HECTD4: variants seen among roughly 807,000 people sequenced by gnomAD.
The protein encoded by HECTD4 is probable E3 ubiquitin-protein ligase HECTD4.
Under a neutral mutation model 471.5 loss-of-function variants are expected in HECTD4, and 114 were observed. The observed-to-expected ratio is 0.24, with a 90% CI of 0.21 to 0.28. The LOEUF is 0.28. HECTD4 is among the 10% of genes least tolerant of loss of function. The pLI is 1.00. For synonymous variants in HECTD4, 2,012 were observed against 2,256.0 expected (o/e 0.89, Z 3.07); for missense variants, 3,866 against 5,651.5 (o/e 0.68, Z 10.13).
chr12:112,260,465 A>G (rs953716311), intron 18 of HECTD4, among the ~76,000 whole-genome samples: 7 of 152,212 alleles, frequency 4.6e-5, no homozygotes, highest in Non-Finnish European at 1.0e-4. Flanking sequence ...AGGAACAGAC[A>G]GGGTTACGGA....
chr12:112,264,777 T>C (rs955101371), intron 16 of HECTD4, among the ~76,000 whole-genome samples: 7 of 152,184 alleles, frequency 4.6e-5, no homozygotes, highest in African/African-American at 1.4e-4. Context: ...ATTATTATTA[T>C]TATTTGAGAC....
At position 112,178,949 on chromosome 12, in the gene HECTD4, G is replaced by A. The variant is rs1438827511; in HGVS notation, c.11345C>T (p.Ala3782Val). 6.2e-7 allele frequency: 1 copy of A among 1,612,582 alleles called. No individual in the cohort carries two copies. The highest frequency in any genetic ancestry group is 8.5e-7 in the Non-Finnish European group (1 of 1,179,648). Residue 3782 changes from alanine (A) to valine (V), a missense_variant, in exon 64 of 76, where the codon GCT becomes GTT. Ala to Val is a moderately conservative substitution (Grantham distance 64, BLOSUM62 0). Around this residue, in one of 16 missense-constraint regions of HECTD4, gnomAD observed 715 missense variants for 1,087.6 expected, o/e 0.66. Coordinates refer to ENST00000682272, the MANE Select transcript of HECTD4 (RefSeq NM_001388303.1). ...PITKPPAKDK[A>V]VLNSVSRTAL... Reference sequence around the variant, plus strand: ...CACGCACCTGACGCTGTTGAGCACAGCCTTGTCCTTGGCGGGCGGCTTGGT... The same window carrying A: ...CACGCACCTGACGCTGTTGAGCACAACCTTGTCCTTGGCGGGCGGCTTGGT...
intron 10 of HECTD4, 112 bp from the exon 11 acceptor site, chr12:112,273,907 A>C: frequency 8.4e-7 from 1 of 1,185,158 alleles, no homozygotes; most frequent in Non-Finnish European, 1.2e-6. Context: ...TAATGTTGAC[A>C]ACCCACAACC....
intron 55 of HECTD4, 60 bp downstream of exon 55, chr12:112,200,578 T>C: frequency 1.9e-6 from 3 of 1,542,434 alleles, no homozygotes; most frequent in Non-Finnish European, 2.7e-6. Flanking sequence ...ACATGGTACA[T>C]GTGGTAGAGC....
intron 60 of HECTD4, 25 bp from the exon 61 acceptor site, chr12:112,185,518 G>C: frequency 6.8e-7 from 1 of 1,477,744 alleles, no homozygotes; most frequent in Non-Finnish European, 9.2e-7. Flanking sequence ...AATAGTAACA[G>C]TAATTACTAT....
At position 112,169,547 on chromosome 12, in the gene HECTD4, T is replaced by C; in HGVS notation, c.12164A>G (p.Tyr4055Cys). Residue 4055 changes from tyrosine to cysteine, a missense_variant, in exon 70 of 76, where the codon TAT (tyrosine) becomes TGT (cysteine). Coordinates refer to ENST00000682272, the MANE Select transcript of HECTD4 (RefSeq NM_001388303.1). Reference protein sequence around the residue: ...VKLASGGDPTYAFNIRFTGEE... With the variant: ...VKLASGGDPTCAFNIRFTGEE... The stretch of plus-strand genomic sequence containing the variant: ...GCCAGTGAAGCGGATGTTGAAGGCA[T>C]ATGTGGGGTCACCGCCACTGGCCAG... 6.2e-7 allele frequency: 1 copy of C among 1,613,440 alleles called. No homozygotes were observed. The highest frequency in any genetic ancestry group is 8.5e-7 in the Non-Finnish European group (1 of 1,179,846).
chr12:112,213,721 A>T lies in HECTD4; in HGVS notation c.7466-1071T>A, dbSNP rs572507704. ...ATACATATATATATATATATATATA[A>T]TATATATATAAAATTTAAGGCCAGA... On this transcript the variant is annotated intron_variant, in intron 48 of 75. Transcript: ENST00000682272. This position sits in a 1 kb window ranked among gnomAD's most constrained non-coding sequence, Gnocchi z 4.0. Among the ~76,000 whole-genome samples the T allele has an allele frequency of 4.6e-4, 63 of 136,898 alleles. 1 individual carries two copies. The highest frequency in any genetic ancestry group is 2.7e-3 in the South Asian group (12 of 4,408). The allele number at this position is 136,898 out of a possible 152,430, so 89.8% of individuals were successfully genotyped here.
intron 59 of HECTD4, among the ~76,000 whole-genome samples, 166 bp downstream of exon 59, chr12:112,192,394 T>C (rs1255149666): frequency 6.6e-6 from 1 of 152,264 alleles, no homozygotes; most frequent in Non-Finnish European, 1.5e-5. Flanking sequence ...TTTAATTTAC[T>C]GCCTCTAAAA....
intron 1 of HECTD4, among the ~76,000 whole-genome samples, chr12:112,339,597 T>C (rs753458950): frequency 2.0e-5 from 3 of 152,064 alleles, no homozygotes; most frequent in African/African-American, 7.2e-5. Context: ...TGTGTGTGTG[T>C]GTATGTTTGT....
At chr12:112,365,773 T>A (rs1212249196) in intron 1 of HECTD4, among the ~76,000 whole-genome samples, 1 of 3,520 alleles carries the variant, frequency 2.8e-4, no homozygotes, top group Non-Finnish European at 1.4e-3. Context: ...TTTTTTTTTG[T>A]TTTTTTTTTT....
At chr12:112,362,354 A>G (rs2036464901) in intron 1 of HECTD4, among the ~76,000 whole-genome samples, 1 of 152,126 alleles carries the variant, frequency 6.6e-6, no homozygotes, top group Non-Finnish European at 1.5e-5. Flanking sequence ...TAATATTCTC[A>G]AAAATACCAC....
chr12:112,336,848 C>T (rs996635213), intron 1 of HECTD4, among the ~76,000 whole-genome samples: 2 of 152,074 alleles, frequency 1.3e-5, no homozygotes, highest in African/African-American at 2.4e-5. Flanking sequence ...CCTACTCTTA[C>T]GTATTTTTAC....
At position 112,178,917 on chromosome 12, in the gene HECTD4, C is replaced by T; in HGVS notation, c.11363+14G>A. On this transcript the variant is annotated intron_variant, in intron 64 of 75. Transcript: ENST00000682272. Reference sequence around the variant, plus strand: ...CCCACAGGCTGGGCTGCCCAGGCTCCTTGGGGCACGCACCTGACGCTGTTG... The same window carrying T: ...CCCACAGGCTGGGCTGCCCAGGCTCTTTGGGGCACGCACCTGACGCTGTTG... 6.3e-7 allele frequency: 1 copy of T among 1,599,604 alleles called. No homozygotes were observed. Among genetic ancestry groups the T allele is most frequent in the Middle Eastern group, 1.9e-4 (1 of 5,170 alleles).
rs527666698 is a variant in HECTD4 at position 112,230,983 on chromosome 12, G to T, written c.6201-161C>A. On this transcript the variant is annotated intron_variant, in intron 39 of 75. Coordinates refer to ENST00000682272, the MANE Select transcript of HECTD4 (RefSeq NM_001388303.1). ...CAAGAAGCTACATTATCATTAGGAAGAAATCACTGTGTCATATTCTTTGTG... is the reference window on the plus strand; with the variant it reads ...CAAGAAGCTACATTATCATTAGGAATAAATCACTGTGTCATATTCTTTGTG... The T allele has an allele frequency of 1.1e-5, 7 of 635,248 alleles. No homozygotes were observed. In the Admixed American group the frequency reaches 2.2e-4, roughly 20 times the overall value. The allele number at this position is 635,248 out of a possible 1,614,324, so 39.4% of individuals were successfully genotyped here. A position where few individuals can be genotyped will look rare whatever the true frequency, so the allele number is the denominator to read the frequency against.
At chr12:112,209,931 C>T in intron 50 of HECTD4, 84 bp downstream of exon 50, 1 of 1,144,776 alleles carries the variant, frequency 8.7e-7, no homozygotes. Context: ...AATGAGGATG[C>T]TCAAGTGCAA....
chr12:112,273,699 A>G lies in HECTD4; in HGVS notation c.1898T>C (p.Val633Ala). Reference sequence around the variant, plus strand: ...GTGACTGACTCCAAGTCTCTGGCAGACATAATGGAAGGCTTGATTCCCAGG... The same window carrying G: ...GTGACTGACTCCAAGTCTCTGGCAGGCATAATGGAAGGCTTGATTCCCAGG... ...CNPGNQAFHY[V>A]CQRLGVSHII... The change falls in exon 11 of 76, where the codon GTC (valine) becomes GCC (alanine). Residue 633 changes from valine (V) to alanine (A), a missense_variant. Physicochemically the swap from Val to Ala is moderately conservative, Grantham distance 64. This residue lies in a region of HECTD4 where 525 missense variants were observed against 672.6 expected (regional missense o/e 0.78). Transcript: ENST00000682272. 7 of 1,614,024 alleles carry G rather than the reference A, an allele frequency of 4.3e-6. No individual in the cohort carries two copies. The highest frequency in any genetic ancestry group is 5.9e-6 in the Non-Finnish European group (7 of 1,179,876).
Position 112,162,883 on chromosome 12 carries a change from C to T in HECTD4, c.13120+159G>A. The T allele has an allele frequency of 3.2e-6, 2 of 628,912 alleles. No homozygotes were observed. 39.0% of individuals were successfully genotyped at this position (628,912 alleles called of 1,614,324 possible). Reference sequence around the variant, plus strand: ...AGTATCTAACAGCAGGCCTGTATGGCTGGTTCCTGCCGGGCCCTAATCCTC... The same window carrying T: ...AGTATCTAACAGCAGGCCTGTATGGTTGGTTCCTGCCGGGCCCTAATCCTC... On this transcript the variant is annotated intron_variant, in intron 75 of 75. Coordinates refer to ENST00000682272, the MANE Select transcript of HECTD4 (RefSeq NM_001388303.1). This position sits in a 1 kb window ranked among gnomAD's most constrained non-coding sequence, Gnocchi z 5.2.
intron 27 of HECTD4, 32 bp downstream of exon 27, chr12:112,248,035 T>TG: frequency 6.8e-7 from 1 of 1,477,498 alleles, no homozygotes; most frequent in Non-Finnish European, 9.4e-7. Flanking sequence ...TAAATGGCAA[T>TG]ACCCCAGTGA....
At chr12:112,284,209 A>G (rs1351408500) in intron 7 of HECTD4, among the ~76,000 whole-genome samples, 1 of 152,002 alleles carries the variant, frequency 6.6e-6, no homozygotes. Flanking sequence ...CTCCCTCTCT[A>G]TTGAGTTCCT....
Sources: allele counts gnomAD v4.1 joint callset (sites outside exome capture counted in the v4.1 genomes callset), GRCh38; gene constraint gnomAD v4.1.1; regional missense constraint gnomAD v4.1.1; non-coding constraint Gnocchi (gnomAD v3.1); transcripts MANE v1.5; gene names NCBI Gene and HGNC (gene_info 2026-07-23, HGNC 2026-07-21).